Variants in GMDS observed in about 807,000 individuals in gnomAD.
GMDS encodes GDP-mannose 4,6 dehydratase.
A neutral mutation model predicts 49.9 loss-of-function variants in GMDS; 20 were observed. The observed-to-expected ratio is 0.40, with a 90% CI of 0.28 to 0.58. The LOEUF is 0.58. GMDS is among the 20% of genes least tolerant of loss of function. The pLI is 0.42. For missense variants in GMDS, 362 were observed against 481.4 expected (o/e 0.75, Z 2.32); for synonymous variants, 177 against 178.6 (o/e 0.99, Z 0.07).
At chr6:1,964,255 G>A (rs1764132909) in intron 4 of GMDS, among the ~76,000 whole-genome samples, 1 of 152,090 alleles carries the variant, frequency 6.6e-6, no homozygotes, top group African/African-American at 2.4e-5. Context: ...TTTTTCAAGG[G>A]ACCAGTCAAT....
intron 4 of GMDS, among the ~76,000 whole-genome samples, chr6:2,066,718 C>A (rs1161642008): frequency 2.0e-5 from 3 of 152,158 alleles, no homozygotes; most frequent in Admixed American, 2.0e-4. Context: ...AGCTAACTAT[C>A]CTAAATATAT....
At chr6:1,694,923 T>C (rs558956313) in intron 9 of GMDS, among the ~76,000 whole-genome samples, 1 of 152,364 alleles carries the variant, frequency 6.6e-6, no homozygotes, top group Admixed American at 6.5e-5. Context: ...AAGGTGTTTG[T>C]CTAACGTTCT....
At chr6:1,731,374 C>CGA (rs1766799153) in intron 8 of GMDS, among the ~76,000 whole-genome samples, 1 of 152,150 alleles carries the variant, frequency 6.6e-6, no homozygotes, top group South Asian at 2.1e-4. Flanking sequence ...ATTTCCACAC[C>CGA]AAAAGGGTGT....
intron 9 of GMDS, among the ~76,000 whole-genome samples, chr6:1,709,352 G>A (rs1052150842): frequency 6.6e-6 from 1 of 152,230 alleles, no homozygotes; most frequent in Non-Finnish European, 1.5e-5. Flanking sequence ...AGGCTTCGTG[G>A]GGGAGCACGG....
chr6:1,661,226 C>A (rs907358249), intron 9 of GMDS, among the ~76,000 whole-genome samples: 1 of 152,134 alleles, frequency 6.6e-6, no homozygotes, highest in Non-Finnish European at 1.5e-5. Context: ...TGGGTTAAAT[C>A]CTCATGGGTC....
At chr6:2,145,916 A>C (rs1442096595) in intron 1 of GMDS, among the ~76,000 whole-genome samples, 1 of 152,224 alleles carries the variant, frequency 6.6e-6, no homozygotes, top group African/African-American at 2.4e-5. Context: ...ACACCATCTC[A>C]TATACGGGAC....
intron 7 of GMDS, among the ~76,000 whole-genome samples, chr6:1,817,341 C>T (rs1371512017): frequency 1.3e-5 from 2 of 152,132 alleles, no homozygotes; most frequent in Non-Finnish European, 2.9e-5. Context: ...AACAAAAGAA[C>T]TATTCTTCCC....
intron 4 of GMDS, among the ~76,000 whole-genome samples, chr6:2,068,571 CAGG>C (rs1360903795): frequency 1.3e-5 from 2 of 151,954 alleles, no homozygotes; most frequent in Non-Finnish European, 2.9e-5. Context: ...AGCAAAGTCT[CAGG>C]ATACAAAATC....
intron 9 of GMDS, among the ~76,000 whole-genome samples, chr6:1,710,481 T>C (rs1442918522): frequency 6.6e-6 from 1 of 152,218 alleles, no homozygotes; most frequent in Non-Finnish European, 1.5e-5. Context: ...TGGTCAGACC[T>C]GATGGAGCTT....
At chr6:1,967,060 C>A (rs1035972591) in intron 4 of GMDS, among the ~76,000 whole-genome samples, 2 of 152,136 alleles carry the variant, frequency 1.3e-5, no homozygotes, top group Admixed American at 6.6e-5. Flanking sequence ...CCTAGTCTGG[C>A]GTCAGCTGGT....
intron 7 of GMDS, among the ~76,000 whole-genome samples, chr6:1,860,399 G>C (rs1274742322): frequency 2.6e-5 from 4 of 152,140 alleles, no homozygotes; most frequent in African/African-American, 9.7e-5. Context: ...CCATTTATAT[G>C]ATATCCTGGA....
Position 1,860,874 on chromosome 6 carries a change from C to T in GMDS, c.771+69229G>A, listed in dbSNP as rs558456037. ...CACACTGATGGGAAGGAGAGAGGAA[C>T]CTAGGCAGGTCTGTGTTTGTGATGT... is the stretch of plus-strand genomic sequence containing the variant. On this transcript the variant is annotated intron_variant, in intron 7 of 10. Coordinates refer to ENST00000380815, the MANE Select transcript of GMDS (RefSeq NM_001500.4). Among the ~76,000 whole-genome samples, 4 of 152,280 alleles carry T rather than the reference C, an allele frequency of 2.6e-5. No individual in the cohort carries two copies. In the South Asian group the frequency reaches 6.2e-4, roughly 24 times the overall value.
chr6:1,948,265 G>C (rs1474428134), intron 6 of GMDS, among the ~76,000 whole-genome samples: 1 of 152,084 alleles, frequency 6.6e-6, no homozygotes, highest in Non-Finnish European at 1.5e-5. Context: ...ACAAATAGTG[G>C]AAAAGAAAGT....
At chr6:1,741,483 T>C (rs1767266072) in intron 8 of GMDS, among the ~76,000 whole-genome samples, 1 of 152,024 alleles carries the variant, frequency 6.6e-6, no homozygotes. Flanking sequence ...GAAAGAAATT[T>C]GGAAAATTTT....
At chr6:2,071,293 T>G (rs1771980073) in intron 4 of GMDS, among the ~76,000 whole-genome samples, 1 of 152,216 alleles carries the variant, frequency 6.6e-6, no homozygotes, top group African/African-American at 2.4e-5. Flanking sequence ...TTATTTTTCT[T>G]TCTACATACC....
chr6:2,061,586 G>T lies in GMDS; in HGVS notation c.345+54185C>A, dbSNP rs180920926. Among the ~76,000 whole-genome samples the T allele has an allele frequency of 1.3e-3, 195 of 151,996 alleles. 1 individual carries two copies. Among genetic ancestry groups the T allele is most frequent in the Non-Finnish European group, 1.8e-3 (121 of 67,958 alleles). On this transcript the variant is annotated intron_variant, in intron 4 of 10. Transcript: ENST00000380815. ...ACAAAAAAACTAGCCGGGCATGGTG[G>T]TGCACGCTTGTAACCCCAACTACTC...
At chr6:2,072,386 A>G (rs1161905439) in intron 4 of GMDS, among the ~76,000 whole-genome samples, 2 of 152,214 alleles carry the variant, frequency 1.3e-5, no homozygotes, top group African/African-American at 2.4e-5. Context: ...GGATGTCTGA[A>G]GGCAGCCTGC....
intron 4 of GMDS, among the ~76,000 whole-genome samples, chr6:1,985,798 GACC>G (rs1765509777): frequency 6.6e-6 from 1 of 152,162 alleles, no homozygotes; most frequent in Non-Finnish European, 1.5e-5. Context: ...GGTGATTGGT[GACC>G]ACACAAGGAA....
chr6:2,165,290 A>C (rs536381013), intron 1 of GMDS, among the ~76,000 whole-genome samples: 1 of 152,348 alleles, frequency 6.6e-6, no homozygotes, highest in Non-Finnish European at 1.5e-5. Context: ...TCTGCAGTCC[A>C]CACGCTGAAG....
Sources: allele counts gnomAD v4.1 joint callset (sites outside exome capture counted in the v4.1 genomes callset), GRCh38; gene constraint gnomAD v4.1.1; transcripts MANE v1.5; gene names NCBI Gene and HGNC (gene_info 2026-07-23, HGNC 2026-07-21).